Variants in ARHGAP15 observed in about 807,000 individuals in gnomAD.
The protein encoded by ARHGAP15 is Rho GTPase activating protein 15, also known as rho GTPase-activating protein 15.
A neutral mutation model predicts 63.7 loss-of-function variants in ARHGAP15; 51 were observed. That is an observed-to-expected ratio of 0.80 (90% CI 0.64 to 1.01). The LOEUF is 1.01. ARHGAP15 is among the 50% of genes least tolerant of loss of function. The pLI is 0.00. For synonymous variants in ARHGAP15, 191 were observed against 193.8 expected, an observed-to-expected ratio of 0.99 and a Z score of 0.12; for missense variants, 560 against 564.6, an observed-to-expected ratio of 0.99 and a Z score of 0.08.
chr2:143,308,005 C>G (rs1467163842), intron 6 of ARHGAP15, among the ~76,000 whole-genome samples: 3 of 152,062 alleles, frequency 2.0e-5, no homozygotes, highest in African/African-American at 7.2e-5. Context: ...TAATTCACAA[C>G]CTCTTTCCTC....
At chr2:143,131,399 T>C (rs572777150) in intron 1 of ARHGAP15, among the ~76,000 whole-genome samples, 105 of 152,340 alleles carry the variant, frequency 6.9e-4, no homozygotes, top group African/African-American at 2.5e-3. Flanking sequence ...TGGAAAGTCA[T>C]ATTAAAGCTA....
At chr2:143,672,249 C>T (rs1020254782) in intron 12 of ARHGAP15, among the ~76,000 whole-genome samples, 4 of 151,968 alleles carry the variant, frequency 2.6e-5, no homozygotes, top group African/African-American at 9.7e-5. Context: ...TAGTATTAGG[C>T]AGACTTATCT....
At chr2:143,688,759 A>C (rs986590932) in intron 12 of ARHGAP15, among the ~76,000 whole-genome samples, 1 of 152,188 alleles carries the variant, frequency 6.6e-6, no homozygotes, top group Non-Finnish European at 1.5e-5. Context: ...TCTTTCCTAT[A>C]AATTCAAAAG....
intron 6 of ARHGAP15, among the ~76,000 whole-genome samples, chr2:143,275,095 T>C (rs562453189): frequency 1.4e-4 from 21 of 151,924 alleles, no homozygotes; most frequent in African/African-American, 4.8e-4. Context: ...TAGGCAGAGG[T>C]TGCAGTGAGC....
At chr2:143,437,175 G>T in intron 8 of ARHGAP15, 133 bp downstream of exon 8, 1 of 1,085,946 alleles carries the variant, frequency 9.2e-7, no homozygotes, top group African/African-American at 1.6e-5. Flanking sequence ...TCCTGGCCAG[G>T]GATTTGTGCA....
chr2:143,262,470 T>G (rs1680769070), intron 6 of ARHGAP15, among the ~76,000 whole-genome samples: 1 of 152,092 alleles, frequency 6.6e-6, no homozygotes, highest in African/African-American at 2.4e-5. Context: ...CAGGAGGAGT[T>G]TAGTCGGTTT....
intron 11 of ARHGAP15, among the ~76,000 whole-genome samples, chr2:143,557,916 ACT>A (rs1282468359): frequency 6.6e-6 from 1 of 151,950 alleles, no homozygotes; most frequent in Non-Finnish European, 1.5e-5. Context: ...TAGAACTTAG[ACT>A]CTCTCCTTGT....
chr2:143,644,707 A>G (rs1052168080), intron 12 of ARHGAP15, among the ~76,000 whole-genome samples: 2 of 152,150 alleles, frequency 1.3e-5, no homozygotes, highest in African/African-American at 4.8e-5. Flanking sequence ...GGCCAGATCA[A>G]TGATACCAAG....
chr2:143,663,920 G>T (rs944238264), intron 12 of ARHGAP15, among the ~76,000 whole-genome samples: 2 of 152,040 alleles, frequency 1.3e-5, no homozygotes, highest in African/African-American at 2.4e-5. Flanking sequence ...AGCAAGTCCT[G>T]AGTGACCTAC....
At chr2:143,147,740 TTGAACA>T (rs1465022363) in intron 1 of ARHGAP15, among the ~76,000 whole-genome samples, 1 of 152,058 alleles carries the variant, frequency 6.6e-6, no homozygotes, top group African/African-American at 2.4e-5. Context: ...ACCAGAAGCA[TTGAACA>T]TGTACCTAGA....
chr2:143,637,650 G>C (rs1234932172), intron 12 of ARHGAP15, among the ~76,000 whole-genome samples: 2 of 150,998 alleles, frequency 1.3e-5, no homozygotes, highest in African/African-American at 4.9e-5. Flanking sequence ...AACCATATAA[G>C]ACAAATTGCA....
intron 3 of ARHGAP15, among the ~76,000 whole-genome samples, chr2:143,207,194 A>G (rs1692362446): frequency 6.6e-6 from 1 of 151,932 alleles, no homozygotes; most frequent in South Asian, 2.1e-4. Context: ...TTGTTGATTT[A>G]CTTGCATATA....
chr2:143,294,985 A>G (rs1032197770), intron 6 of ARHGAP15, among the ~76,000 whole-genome samples: 1 of 152,150 alleles, frequency 6.6e-6, no homozygotes, highest in Middle Eastern at 3.4e-3. Context: ...AGCACTTTAT[A>G]TATGTTAGTT....
chr2:143,499,790 C>A (rs1692972905), intron 9 of ARHGAP15, among the ~76,000 whole-genome samples: 1 of 152,170 alleles, frequency 6.6e-6, no homozygotes, highest in South Asian at 2.1e-4. Flanking sequence ...TCCAAAGTGC[C>A]TTATCACAGA....
At chr2:143,470,874 A>T (rs985103341) in intron 8 of ARHGAP15, among the ~76,000 whole-genome samples, 1 of 150,094 alleles carries the variant, frequency 6.7e-6, no homozygotes, top group Non-Finnish European at 1.5e-5. Flanking sequence ...GTGTGTGTGT[A>T]TATATATACA....
chr2:143,667,594 A>ATT (rs1682286654), intron 12 of ARHGAP15, among the ~76,000 whole-genome samples: 1 of 151,636 alleles, frequency 6.6e-6, no homozygotes, highest in South Asian at 2.1e-4. Flanking sequence ...AAAAAAAAAA[A>ATT]AAAAAAAAAG....
At chr2:143,428,446 C>G (rs1558964941) in intron 6 of ARHGAP15, among the ~76,000 whole-genome samples, 1 of 151,662 alleles carries the variant, frequency 6.6e-6, no homozygotes, top group Non-Finnish European at 1.5e-5. Flanking sequence ...ATGGGATGAT[C>G]ATATCCAAGT....
chr2:143,595,160 T>C (rs1697464826), intron 11 of ARHGAP15, among the ~76,000 whole-genome samples: 1 of 152,182 alleles, frequency 6.6e-6, no homozygotes, highest in South Asian at 2.1e-4. Flanking sequence ...TATTCGAACA[T>C]TGTTTAGATT....
intron 6 of ARHGAP15, among the ~76,000 whole-genome samples, chr2:143,350,601 C>G (rs529993498): frequency 3.4e-5 from 5 of 148,792 alleles, no homozygotes; most frequent in Non-Finnish European, 5.9e-5. Context: ...GGGTGGATCA[C>G]GAGGTCAGGA....
Sources: gnomAD v4.1 joint callset for allele counts (sites outside exome capture counted in the v4.1 genomes callset) on GRCh38, gnomAD v4.1.1 for gene constraint, MANE v1.5 for transcripts, NCBI Gene and HGNC (gene_info 2026-07-23, HGNC 2026-07-21) for gene names.